NR1H4: variants seen among roughly 807,000 people sequenced by gnomAD.
NR1H4 encodes nuclear receptor subfamily 1 group H member 4.
Under a neutral mutation model 58.5 loss-of-function variants are expected in NR1H4, and 23 were observed. The observed-to-expected ratio is 0.39, with a 90% CI of 0.28 to 0.56. NR1H4 has a LOEUF of 0.56. Ranked by LOEUF, NR1H4 falls within the 20% of genes least tolerant of loss-of-function variation. The probability of loss-of-function intolerance (pLI) is 0.58; values close to 1 mark genes in which losing one functional copy is unlikely to be tolerated. For missense variants in NR1H4, 487 were observed against 576.9 expected, an observed-to-expected ratio of 0.84 and a Z score of 1.60; for synonymous variants, 214 against 198.0, an observed-to-expected ratio of 1.08 and a Z score of -0.68.
chr12:100,515,335 C>A (rs1954237876), intron 4 of NR1H4, among the ~76,000 whole-genome samples: 1 of 151,978 alleles, frequency 6.6e-6, no homozygotes, highest in South Asian at 2.1e-4. Context: ...CTATGCCCAG[C>A]TAATTTTTGT....
chr12:100,559,381 G>A (rs994261814), intron 9 of NR1H4, among the ~76,000 whole-genome samples: 6 of 152,250 alleles, frequency 3.9e-5, no homozygotes, highest in Non-Finnish European at 8.8e-5. Context: ...AGGTGTGGAG[G>A]GAGAGACGCG....
chr12:100,561,965 G>T lies in NR1H4; in HGVS notation c.1159G>T (p.Ala387Ser). The change falls in exon 10 of 11, where the codon GCT (alanine) becomes TCT (serine). Residue 387 changes from alanine (A) to serine (S), a missense_variant. Transcript: ENST00000392986. Reference protein sequence around the residue: ...GELKMTQEEYALLTAIVILSP... With the variant: ...GELKMTQEEYSLLTAIVILSP... ...ACTGAAAATGACTCAAGAGGAGTATGCTCTGCTTACAGCAATTGTTATCCT... is the reference window on the plus strand; with the variant it reads ...ACTGAAAATGACTCAAGAGGAGTATTCTCTGCTTACAGCAATTGTTATCCT... The T allele has an allele frequency of 6.4e-7, 1 of 1,564,496 alleles. No individual in the cohort carries two copies. Among genetic ancestry groups the T allele is most frequent in the Non-Finnish European group, 8.8e-7 (1 of 1,135,188 alleles).
intron 1 of NR1H4, among the ~76,000 whole-genome samples, chr12:100,478,767 C>T (rs1037130537): frequency 2.6e-5 from 4 of 152,144 alleles, no homozygotes; most frequent in Non-Finnish European, 4.4e-5. Context: ...GCAAAGATTT[C>T]TCCAGGAAAG....
intron 9 of NR1H4, among the ~76,000 whole-genome samples, chr12:100,560,707 C>T (rs1371195561): frequency 6.6e-6 from 1 of 152,104 alleles, no homozygotes; most frequent in African/African-American, 2.4e-5. Context: ...CACACCAATA[C>T]GTGGATAGGG....
intron 9 of NR1H4, among the ~76,000 whole-genome samples, chr12:100,559,213 G>A (rs537582525): frequency 5.9e-5 from 9 of 152,320 alleles, no homozygotes; most frequent in African/African-American, 9.6e-5. Context: ...AGGTGACAGC[G>A]TGCTGGCAGT....
At chr12:100,496,644 T>C (rs1278169423) in intron 3 of NR1H4, among the ~76,000 whole-genome samples, 1 of 152,224 alleles carries the variant, frequency 6.6e-6, no homozygotes, top group Non-Finnish European at 1.5e-5. Context: ...ACAAAAATGC[T>C]ACTGTTGTCC....
At chr12:100,515,768 G>C (rs577992247) in intron 4 of NR1H4, among the ~76,000 whole-genome samples, 3 of 152,228 alleles carry the variant, frequency 2.0e-5, no homozygotes, top group Non-Finnish European at 2.9e-5. Flanking sequence ...AGTGTTTTCT[G>C]CTTATATTGA....
At chr12:100,554,229 G>C (rs1426413434) in intron 9 of NR1H4, among the ~76,000 whole-genome samples, 2 of 152,350 alleles carry the variant, frequency 1.3e-5, no homozygotes, top group East Asian at 3.9e-4. Context: ...GTGCTATGGA[G>C]TGATGTCATT....
chr12:100,487,110 G>A (rs999072886), intron 1 of NR1H4, among the ~76,000 whole-genome samples: 4 of 152,082 alleles, frequency 2.6e-5, no homozygotes, highest in African/African-American at 9.7e-5. Flanking sequence ...GCTAATCAGA[G>A]TAATTTAATA....
intron 4 of NR1H4, among the ~76,000 whole-genome samples, chr12:100,528,538 C>T (rs757977143): frequency 6.6e-6 from 1 of 152,180 alleles, no homozygotes; most frequent in Non-Finnish European, 1.5e-5. Context: ...CCTGTATTAC[C>T]AGCAAGGCTC....
chr12:100,482,790 G>A (rs990113127), intron 1 of NR1H4, among the ~76,000 whole-genome samples: 5 of 152,114 alleles, frequency 3.3e-5, no homozygotes, highest in African/African-American at 1.2e-4. Flanking sequence ...TCCTGGTCCT[G>A]GAAGCCTCAA....
At chr12:100,518,560 C>A (rs1180522612) in intron 4 of NR1H4, among the ~76,000 whole-genome samples, 1 of 152,128 alleles carries the variant, frequency 6.6e-6, no homozygotes, top group Non-Finnish European at 1.5e-5. Flanking sequence ...TGTTCTATGC[C>A]AGGGATTGGC....
At chr12:100,487,602 T>TC (rs1219831364) in intron 1 of NR1H4, among the ~76,000 whole-genome samples, 3 of 146,442 alleles carry the variant, frequency 2.0e-5, no homozygotes, top group Admixed American at 6.8e-5. Flanking sequence ...CTTCTTTTTT[T>TC]TTTTTTTTTT....
intron 1 of NR1H4, among the ~76,000 whole-genome samples, chr12:100,482,647 G>T (rs560040913): frequency 1.3e-5 from 2 of 152,292 alleles, no homozygotes; most frequent in South Asian, 4.1e-4. Flanking sequence ...CCACTGCAAA[G>T]AAGAAGTACC....
Position 100,561,954 on chromosome 12 carries a change from A to C in NR1H4, c.1148A>C (p.Gln383Pro), listed in dbSNP as rs906103841. 2 of 1,573,904 alleles carry C rather than the reference A, an allele frequency of 1.3e-6. No individual in the cohort carries two copies. The highest frequency in any genetic ancestry group is 1.7e-6 in the Non-Finnish European group (2 of 1,143,726). Residue 383 changes from glutamine to proline, a missense_variant, in exon 10 of 11, where the codon CAA becomes CCA. Coordinates refer to ENST00000392986, the MANE Select transcript of NR1H4 (RefSeq NM_001206979.2). Reference sequence around the variant, plus strand: ...AGTATTGGGGAACTGAAAATGACTCAAGAGGAGTATGCTCTGCTTACAGCA... The same window carrying C: ...AGTATTGGGGAACTGAAAATGACTCCAGAGGAGTATGCTCTGCTTACAGCA... ...YKSIGELKMT[Q>P]EEYALLTAIV...
At chr12:100,490,772 A>G (rs1254035571) in intron 1 of NR1H4, among the ~76,000 whole-genome samples, 1 of 152,158 alleles carries the variant, frequency 6.6e-6, no homozygotes, top group African/African-American at 2.4e-5. Flanking sequence ...ATGAGTATGA[A>G]TGAGGTCCTG....
At chr12:100,510,623 A>G (rs1376097464) in intron 3 of NR1H4, among the ~76,000 whole-genome samples, 155 bp from the exon 4 acceptor site, 2 of 146,436 alleles carry the variant, frequency 1.4e-5, no homozygotes, top group African/African-American at 5.0e-5. Flanking sequence ...ATATATATAT[A>G]TATATATATA....
intron 9 of NR1H4, among the ~76,000 whole-genome samples, chr12:100,549,425 A>C (rs1955154358): frequency 6.6e-6 from 1 of 152,128 alleles, no homozygotes; most frequent in Non-Finnish European, 1.5e-5. Context: ...GTAAGTGAAT[A>C]ATCCTGAAGT....
chr12:100,499,725 C>A (rs1953791896), intron 3 of NR1H4: 21 of 399,614 alleles, frequency 5.3e-5, no homozygotes, highest in South Asian at 3.8e-4. Flanking sequence ...ACTATAAAAT[C>A]ATATTGCAAA....
Sources: gnomAD v4.1 joint callset for allele counts (sites outside exome capture counted in the v4.1 genomes callset) on GRCh38, gnomAD v4.1.1 for gene constraint, MANE v1.5 for transcripts, NCBI Gene and HGNC (gene_info 2026-07-23, HGNC 2026-07-21) for gene names.